FAM20A: variants seen among roughly 807,000 people sequenced by gnomAD.
FAM20A encodes the protein pseudokinase FAM20A.
In FAM20A, 42 loss-of-function variants were observed where a neutral mutation model predicts 52.0. The observed-to-expected ratio is 0.81, with a 90% CI of 0.63 to 1.04. The LOEUF (loss-of-function observed/expected upper bound fraction) is 1.04. Ranked by LOEUF, FAM20A falls within the 50% of genes least tolerant of loss-of-function variation. The probability of loss-of-function intolerance (pLI) is 0.00; values close to 1 mark genes in which losing one functional copy is unlikely to be tolerated. For synonymous variants in FAM20A, 304 were observed against 298.9 expected, an observed-to-expected ratio of 1.02 and a Z score of -0.18; for missense variants, 742 against 712.7, an observed-to-expected ratio of 1.04 and a Z score of -0.47.
chr17:68,572,020 ATATATATATAT>A (rs1568762600), intron 1 of FAM20A, among the ~76,000 whole-genome samples: 3 of 113,372 alleles, frequency 2.6e-5, no homozygotes, highest in Non-Finnish European at 5.5e-5. Context: ...ATATATATAT[ATATATATATAT>A]ATATATATAT....
At chr17:68,563,317 C>T (rs1016484122) in intron 1 of FAM20A, among the ~76,000 whole-genome samples, 2 of 143,960 alleles carry the variant, frequency 1.4e-5, no homozygotes, top group South Asian at 2.2e-4. Flanking sequence ...ACTCGGGAGG[C>T]GGGGGTTGTA....
At chr17:68,586,776 C>A (rs539481460) in intron 1 of FAM20A, among the ~76,000 whole-genome samples, 1 of 152,202 alleles carries the variant, frequency 6.6e-6, no homozygotes, top group Non-Finnish European at 1.5e-5. Context: ...GTGGCTTAAA[C>A]AGTGACAATT....
intron 9 of FAM20A, 32 bp from the exon 10 acceptor site, chr17:68,539,428 C>T (rs960813011): frequency 5.6e-6 from 9 of 1,601,162 alleles, no homozygotes; most frequent in African/African-American, 2.7e-5. Flanking sequence ...TATGGGTGGC[C>T]GGCAGCATCC....
rs2086288879 is a variant in FAM20A at position 68,541,441 on chromosome 17, C to A, written c.1110-483G>T. The A allele has an allele frequency of 2.0e-5, 4 of 196,398 alleles. No individual in the cohort carries two copies. In the South Asian group the frequency reaches 3.9e-4, roughly 19 times the overall value. 12.2% of individuals were successfully genotyped at this position (196,398 alleles called of 1,614,324 possible). ...CAGAGTCCCTTAGGATCTGTCATGT[C>A]CTCCAGAAATTCTGCCTGGTTACTT... On this transcript the variant is annotated intron_variant, in intron 7 of 10. Coordinates refer to ENST00000592554, the MANE Select transcript of FAM20A (RefSeq NM_017565.4).
chr17:68,563,522 G>A (rs1041346403), intron 1 of FAM20A, among the ~76,000 whole-genome samples: 1 of 151,768 alleles, frequency 6.6e-6, no homozygotes, highest in Admixed American at 6.6e-5. Context: ...TCTGCCCCAT[G>A]ATGTCCATGC....
intron 4 of FAM20A, among the ~76,000 whole-genome samples, chr17:68,550,675 C>T (rs898764460): frequency 1.3e-5 from 2 of 152,276 alleles, no homozygotes. Flanking sequence ...GCCATCGTGC[C>T]CAGCAGAGGA....
intron 4 of FAM20A, 145 bp from the exon 5 acceptor site, chr17:68,543,866 A>G (rs1253295486): frequency 2.7e-6 from 2 of 746,144 alleles, no homozygotes; most frequent in Admixed American, 4.0e-5. Flanking sequence ...CAAGTCAGGA[A>G]TGGCCTGTGG....
intron 1 of FAM20A, among the ~76,000 whole-genome samples, chr17:68,577,988 A>AAT (rs1258130122): frequency 6.6e-6 from 1 of 151,988 alleles, no homozygotes; most frequent in Non-Finnish European, 1.5e-5. Flanking sequence ...AAAATAAATA[A>AAT]ATATATATTT....
intron 4 of FAM20A, among the ~76,000 whole-genome samples, chr17:68,544,625 C>T (rs903591891): frequency 6.6e-6 from 1 of 152,040 alleles, no homozygotes; most frequent in Non-Finnish European, 1.5e-5. Context: ...TGCATTTTGC[C>T]AAAAAACACG....
intron 4 of FAM20A, among the ~76,000 whole-genome samples, chr17:68,547,092 G>A (rs1255286136): frequency 3.3e-5 from 5 of 151,948 alleles, no homozygotes. Context: ...GTTAACAGAT[G>A]TGTGGTCATC....
Position 68,537,747 on chromosome 17 carries a change from A to T in FAM20A, c.1362-6T>A. 1 of 1,608,110 alleles carries T rather than the reference A, an allele frequency of 6.2e-7. No individual in the cohort carries two copies. The highest frequency in any genetic ancestry group is 8.5e-7 in the Non-Finnish European group (1 of 1,176,808). On this transcript the variant is annotated splice_polypyrimidine_tract_variant and splice_region_variant and intron_variant, in intron 10 of 10. Transcript: ENST00000592554. The surrounding 1 kb of genome is among the most constrained non-coding windows in gnomAD (Gnocchi z 4.2). Reference sequence around the variant, plus strand: ...AAAGTGTTTTCTTTTTTATCCTGAAAAGACAAAGTTACAGGAACCAAATAA... The same window carrying T: ...AAAGTGTTTTCTTTTTTATCCTGAATAGACAAAGTTACAGGAACCAAATAA...
chr17:68,585,533 T>A (rs1468725074), intron 1 of FAM20A, among the ~76,000 whole-genome samples: 1 of 152,160 alleles, frequency 6.6e-6, no homozygotes, highest in Non-Finnish European at 1.5e-5. Flanking sequence ...AACGTGTTAT[T>A]TTTCTGTACT....
chr17:68,577,754 A>G (rs1012331148), intron 1 of FAM20A, among the ~76,000 whole-genome samples: 4 of 151,900 alleles, frequency 2.6e-5, no homozygotes, highest in African/African-American at 9.7e-5. Flanking sequence ...GAGCCTCTCC[A>G]CTCCTTCTAT....
rs34025800 is a variant in FAM20A at position 68,582,780 on chromosome 17, ATT to A, written c.404+17481_404+17482del. Among the ~76,000 whole-genome samples, 694 of 79,792 alleles carry A rather than the reference ATT, an allele frequency of 8.7e-3. 10 individuals are homozygous for A. The highest frequency in any genetic ancestry group is 0.033 in the African/African-American group (613 of 18,786). The allele number at this position is 79,792 out of a possible 152,430, so 52.3% of individuals were successfully genotyped here. ...CGCTTATGTGGAAGAGCCAGGATTA[ATT>A]TTTTTTTTTTTTTTTTTTTTTTTTT... On this transcript the variant is annotated intron_variant, in intron 1 of 10. Transcript: ENST00000592554.
intron 1 of FAM20A, chr17:68,590,079 A>T (rs969251549): frequency 1.3e-5 from 2 of 152,218 alleles, no homozygotes; most frequent in Non-Finnish European, 2.9e-5. Flanking sequence ...ATAATGGTGC[A>T]TAACACAATT....
At chr17:68,553,452 T>G in intron 3 of FAM20A, among the ~76,000 whole-genome samples, 1 of 152,232 alleles carries the variant, frequency 6.6e-6, no homozygotes, top group Non-Finnish European at 1.5e-5. Context: ...TGATGTGTGT[T>G]CCACATATTG....
chr17:68,597,019 A>C (rs566169198), intron 1 of FAM20A, among the ~76,000 whole-genome samples: 2 of 152,304 alleles, frequency 1.3e-5, no homozygotes, highest in South Asian at 4.2e-4. Context: ...ACATCCAGTG[A>C]ACAAATATTA....
intron 1 of FAM20A, among the ~76,000 whole-genome samples, chr17:68,585,432 C>A (rs1032608216): frequency 6.8e-6 from 1 of 147,896 alleles, no homozygotes; most frequent in African/African-American, 2.5e-5. Context: ...GTTTTTCCAC[C>A]AATACCATGG....
Position 68,537,628 on chromosome 17 carries a change from T to A in FAM20A, c.1475A>T (p.Glu492Val). The A allele has an allele frequency of 6.2e-7, 1 of 1,613,764 alleles. No homozygotes were observed. The highest frequency in any genetic ancestry group is 1.1e-5 in the South Asian group (1 of 90,922). ...TCGATCCAGGGCAAGGAGGTGGGGT[T>A]CAGTGAGGACAGGGCTGAGCTGGTC... The part of the protein sequence containing the change: ...LEDQLSPVLT[E>V]PHLLALDRRL... The change falls in exon 11 of 11, where the codon GAA (glutamate) becomes GTA (valine). Residue 492 changes from glutamate (E) to valine (V), a missense_variant. Coordinates refer to ENST00000592554, the MANE Select transcript of FAM20A (RefSeq NM_017565.4). This position sits in a 1 kb window ranked among gnomAD's most constrained non-coding sequence, Gnocchi z 4.2.
Sources: gnomAD v4.1 joint callset for allele counts (sites outside exome capture counted in the v4.1 genomes callset) on GRCh38, gnomAD v4.1.1 for gene constraint, Gnocchi (gnomAD v3.1) non-coding constraint, MANE v1.5 for transcripts, NCBI Gene and HGNC (gene_info 2026-07-23, HGNC 2026-07-21) for gene names.